PCDHGA7: variants seen among roughly 807,000 people sequenced by gnomAD.
PCDHGA7 encodes protocadherin gamma subfamily A, 7, also known as protocadherin gamma-A7.
PCDHGA7 carries 44 observed loss-of-function variants against 58.3 expected under a neutral mutation model. The ratio of observed to expected loss-of-function variants is 0.75; its 90% CI spans 0.59 to 0.97. The LOEUF (loss-of-function observed/expected upper bound fraction) is 0.97, where lower values mean the gene tolerates loss of function less well. Ranked by LOEUF, PCDHGA7 falls within the 50% of genes least tolerant of loss-of-function variation. The pLI is 0.00. For synonymous variants in PCDHGA7, 516 were observed against 504.2 expected (o/e 1.02, Z -0.31); for missense variants, 1,266 against 1,188.7 (o/e 1.06, Z -0.96).
At chr5:141,478,039 G>A (rs764777183) in intron 1 of PCDHGA7, 29 of 1,613,978 alleles carry the variant, frequency 1.8e-5, no homozygotes, top group Non-Finnish European at 2.5e-5. Flanking sequence ...ATTCACCCAG[G>A]CAGACTCTCA....
Position 141,417,750 on chromosome 5 carries a change from G to A in PCDHGA7, c.2424+32427G>A, listed in dbSNP as rs1430413607. The A allele has an allele frequency of 1.5e-5, 22 of 1,426,796 alleles. 1 individual carries two copies. In the East Asian group the frequency reaches 5.5e-4, roughly 36 times the overall value. The allele number at this position is 1,426,796 out of a possible 1,614,324, so 88.4% of individuals were successfully genotyped here. On this transcript the variant is annotated intron_variant, in intron 1 of 3. Coordinates refer to ENST00000518325, the MANE Select transcript of PCDHGA7 (RefSeq NM_018920.4). ...CCTTGCCCAGCACACCAGATTGCCA[G>A]CTCCGAGACCCGGGACTCCTCCTGT...
At chr5:141,390,362 G>GA (rs1411664231) in intron 1 of PCDHGA7, 10 of 1,532,890 alleles carry the variant, frequency 6.5e-6, no homozygotes, top group Middle Eastern at 3.5e-4. Context: ...ATATTTGCAG[G>GA]AAAATATATA....
rs751024373 is a variant in PCDHGA7, at chr5:141,491,801, G to A, written c.2425-3006G>A. On this transcript the variant is annotated intron_variant, in intron 1 of 3. Coordinates refer to ENST00000518325, the MANE Select transcript of PCDHGA7 (RefSeq NM_018920.4). The surrounding 1 kb of genome is among the most constrained non-coding windows in gnomAD (Gnocchi z 6.9). ...AACTTGCATCCACTCCTCTCCGGCC[G>A]GCTTGGTCGCTGGCTGCGCTCCACC... 2.7e-6 allele frequency: 4 copies of A among 1,500,726 alleles called. No homozygotes were observed. The Admixed American group carries it at 7.3e-5, about 28-fold the overall frequency. 93.0% of individuals were successfully genotyped at this position (1,500,726 alleles called of 1,614,324 possible). A position where few individuals can be genotyped will look rare whatever the true frequency, so the allele number is the denominator to read the frequency against.
At chr5:141,399,380 T>A (rs1361218028) in intron 1 of PCDHGA7, 5 of 1,613,820 alleles carry the variant, frequency 3.1e-6, no homozygotes, top group Non-Finnish European at 4.2e-6. Context: ...AATGTCACCA[T>A]CACAGCCACA....
intron 1 of PCDHGA7, chr5:141,393,052 G>T (rs771952632): frequency 6.2e-7 from 1 of 1,613,614 alleles, no homozygotes; most frequent in Non-Finnish European, 8.5e-7. Context: ...CTGAACCCGC[G>T]CAGCGGCAGC....
intron 1 of PCDHGA7, chr5:141,479,437 C>G (rs2099496053): frequency 6.6e-6 from 1 of 152,224 alleles, no homozygotes; most frequent in Admixed American, 6.5e-5. Flanking sequence ...AATCCACTGT[C>G]TGCACTAAGT....
At chr5:141,413,355 C>G in intron 1 of PCDHGA7, 1 of 1,613,952 alleles carries the variant, frequency 6.2e-7, no homozygotes, top group Non-Finnish European at 8.5e-7. Context: ...GTCTGGCGCC[C>G]CGGGAGCTGG....
chr5:141,400,030 C>G (rs201599536), intron 1 of PCDHGA7: 3 of 1,613,050 alleles, frequency 1.9e-6, no homozygotes, highest in Non-Finnish European at 2.5e-6. Flanking sequence ...GGACGCGGCC[C>G]GCCAGCGCCT....
chr5:141,417,034 T>C (rs1408752235), intron 1 of PCDHGA7: 1 of 151,548 alleles, frequency 6.6e-6, no homozygotes, highest in Non-Finnish European at 1.5e-5. Context: ...ACAGGTTTTT[T>C]TTTTAAAAAA....
At chr5:141,413,389 T>C (rs370906684) in intron 1 of PCDHGA7, 1 of 1,613,986 alleles carries the variant, frequency 6.2e-7, no homozygotes, top group South Asian at 1.1e-5. Context: ...CCGCATAGTC[T>C]CCAGAGGTAG....
intron 1 of PCDHGA7, chr5:141,410,252 C>T (rs3749768): frequency 0.048 from 77,060 of 1,613,996 alleles, 2,017 homozygotes; most frequent in South Asian, 0.077. Flanking sequence ...ACTCTCTGAC[C>T]CCCAGGCTGA....
intron 1 of PCDHGA7, chr5:141,410,413 TG>T: frequency 6.2e-7 from 1 of 1,614,056 alleles, no homozygotes; most frequent in Non-Finnish European, 8.5e-7. Flanking sequence ...AGTCTGGACC[TG>T]TAGTTCCCCC....
intron 2 of PCDHGA7, among the ~76,000 whole-genome samples, chr5:141,505,180 A>G (rs1435197883): frequency 6.6e-6 from 1 of 152,200 alleles, no homozygotes; most frequent in Non-Finnish European, 1.5e-5. Context: ...AGAAAAAAGC[A>G]TCGGAGGCAG....
Position 141,491,075 on chromosome 5 carries a change from A to G in PCDHGA7, c.2425-3732A>G, listed in dbSNP as rs147291399. ...TGGCTCTCCTACTCACTGTTGCCAC[A>G]GTCCACAGCCCCAGGACTGTTCCTC... is the stretch of plus-strand genomic sequence containing the variant. On this transcript the variant is annotated intron_variant, in intron 1 of 3. Coordinates refer to ENST00000518325, the MANE Select transcript of PCDHGA7 (RefSeq NM_018920.4). This position sits in a 1 kb window ranked among gnomAD's most constrained non-coding sequence, Gnocchi z 6.9. 1.2e-6 allele frequency: 2 copies of G among 1,614,080 alleles called. No individual in the cohort carries two copies. Among genetic ancestry groups the G allele is most frequent in the Non-Finnish European group, 8.5e-7 (1 of 1,180,042 alleles).
chr5:141,386,056 A>C (rs2090445356), intron 1 of PCDHGA7: 1 of 152,214 alleles, frequency 6.6e-6, no homozygotes, highest in South Asian at 2.1e-4. Flanking sequence ...TTTAACAGAG[A>C]ATTCCAGTAT....
At position 141,403,267 on chromosome 5, in the gene PCDHGA7, C is replaced by T. The variant is rs767670942; in HGVS notation, c.2424+17944C>T. On this transcript the variant is annotated intron_variant, in intron 1 of 3. Transcript: ENST00000518325. ...CTCAGAGCCCGCGGTGTCTGGTGAA[C>T]TTTAAAGTCCTGGTTGAAGACAGAG... is the stretch of plus-strand genomic sequence containing the variant. 4.4e-5 allele frequency: 71 copies of T among 1,613,770 alleles called. No homozygotes were observed. Among genetic ancestry groups the T allele is most frequent in the Non-Finnish European group, 5.8e-5 (69 of 1,179,916 alleles).
Position 141,485,955 on chromosome 5 carries a change from T to C in PCDHGA7, c.2425-8852T>C. 1 of 1,614,152 alleles carries C rather than the reference T, an allele frequency of 6.2e-7. No homozygotes were observed. Among genetic ancestry groups the C allele is most frequent in the Non-Finnish European group, 8.5e-7 (1 of 1,180,018 alleles). On this transcript the variant is annotated intron_variant, in intron 1 of 3. Transcript: ENST00000518325. This position sits in a 1 kb window ranked among gnomAD's most constrained non-coding sequence, Gnocchi z 5.7. ...GAGAGCGCACCAGCGGGCATGGTGC[T>C]CATCCAGCTCAATGCCTCAGACCCG...
chr5:141,468,549 C>T (rs1289802190), intron 1 of PCDHGA7: 2 of 151,940 alleles, frequency 1.3e-5, no homozygotes, highest in Non-Finnish European at 2.9e-5. Flanking sequence ...ACATATTTAA[C>T]ATTTGTGATA....
Position 141,382,838 on chromosome 5 carries a change from A to G in PCDHGA7, c.-62A>G. On this transcript the variant is annotated 5_prime_UTR_variant, in exon 1 of 4. Coordinates refer to ENST00000518325, the MANE Select transcript of PCDHGA7 (RefSeq NM_018920.4). Reference sequence around the variant, plus strand: ...TCCTAAGACAGAGGGGTCCACCCGGATACACCCGCATTCTGAAGCACTTCC... The same window carrying G: ...TCCTAAGACAGAGGGGTCCACCCGGGTACACCCGCATTCTGAAGCACTTCC... 2 of 1,445,878 alleles carry G rather than the reference A, an allele frequency of 1.4e-6. No individual in the cohort carries two copies. Among genetic ancestry groups the G allele is most frequent in the Non-Finnish European group, 1.9e-6 (2 of 1,071,074 alleles). 89.6% of individuals were successfully genotyped at this position (1,445,878 alleles called of 1,614,324 possible).
Sources: allele counts gnomAD v4.1 joint callset (sites outside exome capture counted in the v4.1 genomes callset), GRCh38; gene constraint gnomAD v4.1.1; non-coding constraint Gnocchi (gnomAD v3.1); transcripts MANE v1.5; gene names NCBI Gene and HGNC (gene_info 2026-07-23, HGNC 2026-07-21).